CDH2: variants seen among roughly 807,000 people sequenced by gnomAD.
CDH2 encodes the protein cadherin-2.
A neutral mutation model predicts 92.0 loss-of-function variants in CDH2; 17 were observed. The observed-to-expected ratio is 0.18, with a 90% CI of 0.13 to 0.28. The LOEUF is 0.28. CDH2 is among the 10% of genes least tolerant of loss of function. CDH2 has a pLI of 1.00. For missense variants in CDH2, 862 were observed against 1,133.1 expected (o/e 0.76, Z 3.44); for synonymous variants, 419 against 415.9 (o/e 1.01, Z -0.09).
chr18:28,077,517 C>G (rs2014743299), intron 2 of CDH2, among the ~76,000 whole-genome samples: 1 of 152,092 alleles, frequency 6.6e-6, no homozygotes, highest in African/African-American at 2.4e-5. Context: ...TTTTTTAACT[C>G]TAAAAGTCCT....
intron 15 of CDH2, among the ~76,000 whole-genome samples, chr18:27,952,665 G>A (rs1909520920): frequency 6.6e-6 from 1 of 152,118 alleles, no homozygotes; most frequent in East Asian, 1.9e-4. Flanking sequence ...GAATGGCCCT[G>A]CTTGAGGCAG....
intron 2 of CDH2, among the ~76,000 whole-genome samples, chr18:28,059,672 C>T (rs928534480): frequency 6.6e-6 from 1 of 152,154 alleles, no homozygotes; most frequent in African/African-American, 2.4e-5. Flanking sequence ...CAGTTAAGAT[C>T]TTTGAATAAA....
At chr18:27,940,341 G>C (rs577732455) in intron 6 of CDH2, among the ~76,000 whole-genome samples, 1 of 152,268 alleles carries the variant, frequency 6.6e-6, no homozygotes, top group African/African-American at 2.4e-5. Flanking sequence ...TGCTCAGACT[G>C]TGGTCTTGGG....
intron 14 of CDH2, among the ~76,000 whole-genome samples, chr18:27,981,957 C>G (rs763420268): frequency 6.6e-6 from 1 of 152,100 alleles, no homozygotes; most frequent in Non-Finnish European, 1.5e-5. Flanking sequence ...ACATTAATAT[C>G]GCCCATATAA....
In CDH2 at chr18:27,935,447, C is replaced by T. The variant is rs78299339; in HGVS notation, c.1152-2323G>A. ...GGGATAGTGCTAAACCACTGGAAAC[C>T]ACCCTCATGATACAATCATCTCCCA... On this transcript the variant is annotated intron_variant, in intron 6 of 6. Transcript: ENST00000675173. Among the ~76,000 whole-genome samples the T allele has an allele frequency of 5.1e-3, 773 of 152,230 alleles. 2 individuals carry two copies. Among genetic ancestry groups the T allele is most frequent in the Non-Finnish European group, 7.8e-3 (533 of 68,010 alleles).
intron 14 of CDH2, among the ~76,000 whole-genome samples, chr18:27,972,027 G>A (rs2011674497): frequency 6.6e-6 from 1 of 152,120 alleles, no homozygotes; most frequent in South Asian, 2.1e-4. Flanking sequence ...GAGATCCCCT[G>A]GCTCAAGAAG....
intron 7 of CDH2, 89 bp downstream of exon 7, chr18:28,002,908 T>C (rs1363230888): frequency 5.4e-6 from 6 of 1,120,852 alleles, no homozygotes; most frequent in African/African-American, 1.5e-5. Context: ...TGTGAGTATA[T>C]TGTGATGTGG....
rs772380346 is a variant in CDH2, at chr18:28,068,992, T to C, written c.173-55083A>G. On this transcript the variant is annotated intron_variant, in intron 2 of 15. Transcript: ENST00000269141. Reference sequence around the variant, plus strand: ...AAAAACACAATGTTGTCACATATTATACAGGGGCCATATTCCTGGAGTTCC... The same window carrying C: ...AAAAACACAATGTTGTCACATATTACACAGGGGCCATATTCCTGGAGTTCC... 1.4e-4 allele frequency among the ~76,000 whole-genome samples: 22 copies of C among 152,330 alleles called. 1 individual carries two copies. Among genetic ancestry groups the C allele is most frequent in the Middle Eastern group, 3.4e-3 (1 of 294 alleles).
At chr18:28,134,137 A>G (rs1432022276) in intron 2 of CDH2, among the ~76,000 whole-genome samples, 1 of 7,462 alleles carries the variant, frequency 1.3e-4, no homozygotes, top group Non-Finnish European at 3.9e-4. Context: ...TAAATTTACA[A>G]AAAAAAAAAA....
intron 1 of CDH2, chr18:28,168,637 G>A: frequency 4.2e-6 from 2 of 478,412 alleles, no homozygotes; most frequent in Non-Finnish European, 5.5e-6. Context: ...ACTATTAGAA[G>A]AACTTTTAAA....
At chr18:28,125,773 A>G (rs139150174) in intron 2 of CDH2, among the ~76,000 whole-genome samples, 11 of 152,270 alleles carry the variant, frequency 7.2e-5, no homozygotes, top group African/African-American at 2.4e-4. Context: ...TCAGTTTTCA[A>G]TAAAGAAACT....
intron 6 of CDH2, among the ~76,000 whole-genome samples, chr18:27,944,421 C>T (rs1222267242): frequency 6.6e-6 from 1 of 152,096 alleles, no homozygotes; most frequent in Non-Finnish European, 1.5e-5. Context: ...TATATGAATA[C>T]TTTTTTGAAT....
intron 7 of CDH2, among the ~76,000 whole-genome samples, chr18:27,996,025 T>C (rs907321937): frequency 1.2e-4 from 18 of 152,148 alleles, no homozygotes; most frequent in African/African-American, 2.4e-5. Flanking sequence ...ACTCTCATAG[T>C]ACCTCAGCTG....
At chr18:28,154,313 G>A (rs368897621) in intron 1 of CDH2, among the ~76,000 whole-genome samples, 2 of 152,354 alleles carry the variant, frequency 1.3e-5, no homozygotes, top group South Asian at 2.1e-4. Context: ...CCTCAAGGAT[G>A]ACAAGCAGTC....
chr18:28,120,227 C>G (rs548510878), intron 2 of CDH2, among the ~76,000 whole-genome samples: 65 of 152,130 alleles, frequency 4.3e-4, no homozygotes, highest in Admixed American at 1.2e-3. Flanking sequence ...TGAAACTACA[C>G]ACACAGGCAC....
intron 2 of CDH2, among the ~76,000 whole-genome samples, chr18:28,124,585 T>G (rs1263885216): frequency 6.6e-6 from 1 of 152,196 alleles, no homozygotes; most frequent in Non-Finnish European, 1.5e-5. Flanking sequence ...GTCTTTCACA[T>G]TCAAGGACTT....
intron 2 of CDH2, among the ~76,000 whole-genome samples, chr18:28,082,569 T>C (rs2014852299): frequency 6.6e-6 from 1 of 152,182 alleles, no homozygotes; most frequent in Admixed American, 6.6e-5. Context: ...AAAATTAATT[T>C]ACATTTTTTT....
intron 6 of CDH2, 136 bp from the exon 7 acceptor site, chr18:28,003,305 T>C (rs2012824299): frequency 1.6e-6 from 1 of 609,570 alleles, no homozygotes. Flanking sequence ...TAGACTTGAT[T>C]AAAAATGCTA....
chr18:28,081,314 T>C (rs1211732706), intron 2 of CDH2, among the ~76,000 whole-genome samples: 1 of 152,188 alleles, frequency 6.6e-6, no homozygotes, highest in African/African-American at 2.4e-5. Flanking sequence ...GCAGATCCCA[T>C]CATATACACT....
Sources: allele counts gnomAD v4.1 joint callset (sites outside exome capture counted in the v4.1 genomes callset), GRCh38; gene constraint gnomAD v4.1.1; transcripts MANE v1.5; gene names NCBI Gene and HGNC (gene_info 2026-07-23, HGNC 2026-07-21).